The following SLF1 variants were observed in gnomAD, a reference collection of about 807,000 sequenced individuals.
SLF1 encodes SMC5/6 complex localization factor 1, also known as SMC5-SMC6 complex localization factor protein 1.
In SLF1, 105 loss-of-function variants were observed where a neutral mutation model predicts 123.0. The ratio of observed to expected loss-of-function variants is 0.85; its 90% CI spans 0.73 to 1.00. The LOEUF is 1.00. Ranked by LOEUF, SLF1 falls within the 50% of genes least tolerant of loss-of-function variation. SLF1 has a pLI of 0.00. For synonymous variants in SLF1, 434 were observed against 406.6 expected (o/e 1.07, Z -0.81); for missense variants, 1,239 against 1,223.0 (o/e 1.01, Z -0.20).
At chr5:94,689,937 A>G (rs561101005) in intron 18 of SLF1, among the ~76,000 whole-genome samples, 2 of 152,258 alleles carry the variant, frequency 1.3e-5, no homozygotes, top group African/African-American at 4.8e-5. Context: ...GCTTAGGATC[A>G]GTGTCTTCTG....
At chr5:94,646,652 A>G (rs1033201967) in intron 5 of SLF1, among the ~76,000 whole-genome samples, 2 of 152,208 alleles carry the variant, frequency 1.3e-5, no homozygotes, top group African/African-American at 4.8e-5. Context: ...TACTTAAGAA[A>G]GAAAAATGAA....
chr5:94,694,618 G>A (rs900813376), intron 20 of SLF1, among the ~76,000 whole-genome samples: 4 of 151,802 alleles, frequency 2.6e-5, no homozygotes, highest in Non-Finnish European at 4.4e-5. Flanking sequence ...AGGCATGCAC[G>A]TTTGGGGAAA....
At chr5:94,651,102 C>T (rs988188685) in intron 6 of SLF1, among the ~76,000 whole-genome samples, 2 of 152,088 alleles carry the variant, frequency 1.3e-5, no homozygotes, top group Admixed American at 1.3e-4. Context: ...TGTTTAGATA[C>T]ACTAATACTC....
At chr5:94,688,799 G>A in intron 17 of SLF1, 130 bp downstream of exon 17, 2 of 938,052 alleles carry the variant, frequency 2.1e-6, no homozygotes, top group South Asian at 5.8e-5. Flanking sequence ...CTCAATTTTA[G>A]ATCTATTTGA....
chr5:94,673,241 G>T (rs999171568), intron 14 of SLF1, among the ~76,000 whole-genome samples: 1 of 152,146 alleles, frequency 6.6e-6, no homozygotes, highest in Admixed American at 6.5e-5. Flanking sequence ...TCCTCAGGGC[G>T]AAGTCAGGTA....
At chr5:94,649,766 G>C (rs1200506188) in intron 6 of SLF1, among the ~76,000 whole-genome samples, 169 bp downstream of exon 6, 6 of 152,126 alleles carry the variant, frequency 3.9e-5, no homozygotes, top group African/African-American at 1.4e-4. Context: ...ATGTCTCTGG[G>C]AACTCTTGTT....
intron 5 of SLF1, among the ~76,000 whole-genome samples, chr5:94,644,975 A>G (rs887258841): frequency 1.3e-5 from 2 of 152,218 alleles, no homozygotes; most frequent in Admixed American, 6.5e-5. Flanking sequence ...TACATGTAAT[A>G]TATCATTATA....
At position 94,621,519 on chromosome 5, in the gene SLF1, C is replaced by T. The variant is rs1022394618; in HGVS notation, c.-1+2754C>T. Among the ~76,000 whole-genome samples, 5 of 152,224 alleles carry T rather than the reference C, an allele frequency of 3.3e-5. No homozygotes were observed. The South Asian group carries it at 1.0e-3, about 32-fold the overall frequency. The stretch of plus-strand genomic sequence containing the variant: ...CTTCCTTCTAAGTAAACCAAATTTC[C>T]TAGGATACCAAAGCACATTTGACTT... On this transcript the variant is annotated intron_variant, in intron 1 of 20. Transcript: ENST00000265140.
chr5:94,641,736 A>G (rs1746471979), intron 4 of SLF1, among the ~76,000 whole-genome samples: 1 of 152,104 alleles, frequency 6.6e-6, no homozygotes, highest in Admixed American at 6.5e-5. Flanking sequence ...ATATATTCTC[A>G]GTTTTGCTAG....
In SLF1 at chr5:94,694,916, T is replaced by C. The variant is rs371115723; in HGVS notation, c.2781T>C (p.Phe927=). The C allele has an allele frequency of 5.6e-6, 9 of 1,611,808 alleles. No homozygotes were observed. Among genetic ancestry groups the C allele is most frequent in the Non-Finnish European group, 7.6e-6 (9 of 1,178,970 alleles). The change falls in exon 21 of 21, where the codon TTT becomes TTC. Residue 927 remains phenylalanine (F), a synonymous_variant. Coordinates refer to ENST00000265140, the MANE Select transcript of SLF1 (RefSeq NM_032290.4). ...CACCTCAAATCAAAGAAGAACTGTTTGCTATTACAAAAATAGAAGATACAG... is the reference window on the plus strand; with the variant it reads ...CACCTCAAATCAAAGAAGAACTGTTCGCTATTACAAAAATAGAAGATACAG... ...VVSPQIKEEL[F]AITKIEDTVE...
chr5:94,639,455 T>C (rs1242376614), intron 4 of SLF1, among the ~76,000 whole-genome samples: 1 of 152,226 alleles, frequency 6.6e-6, no homozygotes, highest in Non-Finnish European at 1.5e-5. Context: ...TAATGGTTGC[T>C]GTAATATATA....
chr5:94,632,196 A>G (rs1767961278), intron 4 of SLF1, among the ~76,000 whole-genome samples: 1 of 152,078 alleles, frequency 6.6e-6, no homozygotes, highest in African/African-American at 2.4e-5. Context: ...AACGAAAATC[A>G]ATTGACCATG....
intron 7 of SLF1, among the ~76,000 whole-genome samples, chr5:94,652,185 T>A (rs750606974): frequency 2.0e-5 from 3 of 151,932 alleles, no homozygotes; most frequent in Non-Finnish European, 2.9e-5. Context: ...TTTTTGTAAT[T>A]TTTTCAGTAG....
At chr5:94,681,769 T>G (rs984631214) in intron 15 of SLF1, among the ~76,000 whole-genome samples, 1 of 152,104 alleles carries the variant, frequency 6.6e-6, no homozygotes, top group Non-Finnish European at 1.5e-5. Flanking sequence ...GTTCTTGCGA[T>G]AGTTTACTGA....
At chr5:94,629,398 T>C (rs1744960115) in intron 3 of SLF1, among the ~76,000 whole-genome samples, 1 of 140,200 alleles carries the variant, frequency 7.1e-6, no homozygotes, top group African/African-American at 2.6e-5. Flanking sequence ...AAGGATTTAG[T>C]GTGTTTTGTT....
At chr5:94,634,390 C>G (rs112087016) in intron 4 of SLF1, among the ~76,000 whole-genome samples, 22 of 152,254 alleles carry the variant, frequency 1.4e-4, no homozygotes, top group African/African-American at 4.3e-4. Flanking sequence ...TTCTATAAAT[C>G]TAATTTTCTT....
intron 1 of SLF1, among the ~76,000 whole-genome samples, chr5:94,625,410 G>C (rs1393156865): frequency 6.6e-6 from 1 of 151,618 alleles, no homozygotes; most frequent in Non-Finnish European, 1.5e-5. Flanking sequence ...TTGAGACAGA[G>C]TCTCGCTCTG....
intron 8 of SLF1, among the ~76,000 whole-genome samples, chr5:94,654,411 A>T (rs1455324875): frequency 6.6e-6 from 1 of 150,690 alleles, no homozygotes; most frequent in African/African-American, 2.4e-5. Context: ...AAAAAAAAAG[A>T]AAGTACATAT....
At chr5:94,683,174 A>G (rs1003138791) in intron 15 of SLF1, among the ~76,000 whole-genome samples, 1 of 152,168 alleles carries the variant, frequency 6.6e-6, no homozygotes, top group Non-Finnish European at 1.5e-5. Flanking sequence ...ATTGCCTGAT[A>G]AATACTTTTT....
Sources: gnomAD v4.1 joint callset for allele counts (sites outside exome capture counted in the v4.1 genomes callset) on GRCh38, gnomAD v4.1.1 for gene constraint, MANE v1.5 for transcripts, NCBI Gene and HGNC (gene_info 2026-07-23, HGNC 2026-07-21) for gene names.